The following MYH10 variants were observed in gnomAD, a reference collection of about 807,000 sequenced individuals.
The protein encoded by MYH10 is myosin heavy chain 10.
A neutral mutation model predicts 257.8 loss-of-function variants in MYH10; 55 were observed. The ratio of observed to expected loss-of-function variants is 0.21; its 90% CI spans 0.17 to 0.27. The LOEUF is 0.27. MYH10 is among the 10% of genes least tolerant of loss of function. MYH10 has a pLI of 1.00. For synonymous variants in MYH10, 854 were observed against 921.7 expected (o/e 0.93, Z 1.33); for missense variants, 1,631 against 2,500.6 (o/e 0.65, Z 7.42).
At chr17:8,599,543 T>A (rs1417715587) in intron 3 of MYH10, among the ~76,000 whole-genome samples, 1 of 152,076 alleles carries the variant, frequency 6.6e-6, no homozygotes, top group Non-Finnish European at 1.5e-5. Context: ...CAATCTCTCC[T>A]CCCTCCTCCT....
Position 8,480,231 on chromosome 17 carries a change from T to C in MYH10, c.5476A>G (p.Lys1826Glu), listed in dbSNP as rs1018614920. 6.2e-7 allele frequency: 1 copy of C among 1,614,116 alleles called. No individual in the cohort carries two copies. Among genetic ancestry groups the C allele is most frequent in the Non-Finnish European group, 8.5e-7 (1 of 1,180,030 alleles). Residue 1826 changes from lysine to glutamate, a missense_variant, in exon 40 of 43, where the codon AAG (lysine) becomes GAG (glutamate). Around this residue, in one of 11 missense-constraint regions of MYH10, gnomAD observed 343 missense variants for 389.5 expected, o/e 0.88. Transcript: ENST00000360416. The part of the protein sequence containing the change: ...NARQQLERQN[K>E]ELKAKLQELE... ...TCCTGCAGCTTGGCCTTCAGCTCCT[T>C]GTTCTGCCGCTCCAGTTGCTGGCGT...
rs747780817 is a variant in MYH10 at position 8,480,428 on chromosome 17, C to T, written c.5362G>A (p.Asp1788Asn). The change falls in exon 39 of 43, where the codon GAC becomes AAC. Residue 1788 changes from aspartate (D) to asparagine (N), a missense_variant. This residue lies in a region of MYH10 where 343 missense variants were observed against 389.5 expected (regional missense o/e 0.88). Transcript: ENST00000360416. ...TGTAGAGTGGTCTTGCGGAAGCGGT[C>T]GTTGAGCAGCTCCATGTTGCTCTGC... The part of the protein sequence containing the change: ...EEQSNMELLN[D>N]RFRKTTLQVD... The T allele has an allele frequency of 3.7e-6, 6 of 1,613,236 alleles. No individual in the cohort carries two copies. Among genetic ancestry groups the T allele is most frequent in the South Asian group, 2.2e-5 (2 of 91,072 alleles).
chr17:8,478,218 C>T (rs1205964262), intron 41 of MYH10, 120 bp downstream of exon 41: 11 of 850,730 alleles, frequency 1.3e-5, no homozygotes, highest in South Asian at 1.3e-4. Context: ...GAACAGCCCA[C>T]GTTAGCTGAA....
At chr17:8,607,104 T>G (rs2084840821) in intron 2 of MYH10, among the ~76,000 whole-genome samples, 1 of 152,244 alleles carries the variant, frequency 6.6e-6, no homozygotes, top group Admixed American at 6.5e-5. Flanking sequence ...AGGAGTTTAA[T>G]TTATATAACG....
intron 36 of MYH10, among the ~76,000 whole-genome samples, chr17:8,487,038 C>T (rs530866379): frequency 7.2e-5 from 11 of 152,192 alleles, no homozygotes; most frequent in Admixed American, 1.3e-4. Flanking sequence ...GAGATCACTT[C>T]TTGTCATTGT....
Position 8,478,277 on chromosome 17 carries a change from A to G in MYH10, c.5706+61T>C, listed in dbSNP as rs1418948008. 5.7e-6 allele frequency: 8 copies of G among 1,394,356 alleles called. No individual in the cohort carries two copies. The Admixed American group carries it at 1.0e-4, about 18-fold the overall frequency. The allele number at this position is 1,394,356 out of a possible 1,614,324, so 86.4% of individuals were successfully genotyped here. On this transcript the variant is annotated intron_variant, in intron 41 of 42. Coordinates refer to ENST00000360416, the MANE Select transcript of MYH10 (RefSeq NM_001256012.3). ...AATTCCACTGGTCAGTTGTGCCACC[A>G]GCTCATTCTCCACCAGTTCCTTTGC...
At chr17:8,585,449 T>C (rs2083883426) in intron 4 of MYH10, among the ~76,000 whole-genome samples, 1 of 151,748 alleles carries the variant, frequency 6.6e-6, no homozygotes, top group Non-Finnish European at 1.5e-5. Flanking sequence ...CTTAATTAGC[T>C]TGGCGGTGGA....
intron 28 of MYH10, among the ~76,000 whole-genome samples, chr17:8,503,132 A>G (rs1192975913): frequency 6.6e-6 from 1 of 151,920 alleles, no homozygotes; most frequent in East Asian, 1.9e-4. Flanking sequence ...AAAAATACAA[A>G]ATTAGCCGGG....
intron 14 of MYH10, among the ~76,000 whole-genome samples, chr17:8,536,555 C>T (rs2082143047): frequency 6.6e-6 from 1 of 152,040 alleles, no homozygotes; most frequent in South Asian, 2.1e-4. Flanking sequence ...AAAAGTAGCA[C>T]TTTGGGAGGC....
chr17:8,543,998 G>A (rs2082371488), intron 13 of MYH10, among the ~76,000 whole-genome samples: 1 of 151,128 alleles, frequency 6.6e-6, no homozygotes, highest in South Asian at 2.1e-4. Context: ...AGAAATGTGT[G>A]TATGTGTGTG....
chr17:8,538,097 C>T (rs1304230607), intron 14 of MYH10, among the ~76,000 whole-genome samples: 1 of 152,250 alleles, frequency 6.6e-6, no homozygotes, highest in Non-Finnish European at 1.5e-5. Flanking sequence ...CTCCATTTTG[C>T]AAGGAACATC....
chr17:8,511,786 C>A (rs764769212), intron 24 of MYH10, among the ~76,000 whole-genome samples: 2 of 152,310 alleles, frequency 1.3e-5, no homozygotes, highest in Non-Finnish European at 2.9e-5. Context: ...AACTCATGGT[C>A]AATTCCATTT....
At chr17:8,585,021 T>G (rs1656977512) in intron 4 of MYH10, among the ~76,000 whole-genome samples, 1 of 151,794 alleles carries the variant, frequency 6.6e-6, no homozygotes, top group South Asian at 2.1e-4. Flanking sequence ...TTTTGTATTT[T>G]TAGTAGAGAC....
Position 8,532,436 on chromosome 17 carries a change from T to C in MYH10, c.1895-1751A>G, listed in dbSNP as rs566078491. On this transcript the variant is annotated intron_variant, in intron 16 of 42. Coordinates refer to ENST00000360416, the MANE Select transcript of MYH10 (RefSeq NM_001256012.3). ...CTAAGCATTTCTGTAATGAAATCAA[T>C]AACTTTCCCGTATCTCTTAAATGGA... Among the ~76,000 whole-genome samples, 117 of 152,328 alleles carry C rather than the reference T, an allele frequency of 7.7e-4. 1 individual carries two copies. The highest frequency in any genetic ancestry group is 2.1e-3 in the African/African-American group (87 of 41,578).
intron 21 of MYH10, among the ~76,000 whole-genome samples, chr17:8,514,561 C>T (rs1286984393): frequency 6.6e-6 from 1 of 152,058 alleles, no homozygotes; most frequent in African/African-American, 2.4e-5. Context: ...GACCCAGTTC[C>T]CATTCGCCTT....
chr17:8,628,223 T>C (rs1029810656), intron 1 of MYH10, among the ~76,000 whole-genome samples: 1 of 152,170 alleles, frequency 6.6e-6, no homozygotes, highest in African/African-American at 2.4e-5. Flanking sequence ...TGAGGGTTAT[T>C]AGTGTCATTT....
intron 13 of MYH10, among the ~76,000 whole-genome samples, chr17:8,542,956 G>GA (rs1428042294): frequency 3.9e-5 from 6 of 152,136 alleles, no homozygotes; most frequent in African/African-American, 1.4e-4. Flanking sequence ...CTCATAAAGT[G>GA]AATTTAGGCA....
intron 16 of MYH10, among the ~76,000 whole-genome samples, chr17:8,533,933 G>A (rs1417542878): frequency 6.6e-6 from 1 of 152,148 alleles, no homozygotes; most frequent in Non-Finnish European, 1.5e-5. Context: ...CCTTACGACT[G>A]CAACATTACT....
intron 8 of MYH10, 120 bp downstream of exon 8, chr17:8,553,835 T>C: frequency 1.3e-6 from 1 of 766,456 alleles, no homozygotes. Context: ...AGGCATGCTA[T>C]CTCTGGGCTC....
Sources: gnomAD v4.1 joint callset for allele counts (sites outside exome capture counted in the v4.1 genomes callset) on GRCh38, gnomAD v4.1.1 for gene constraint, gnomAD v4.1.1 regional missense constraint, MANE v1.5 for transcripts, NCBI Gene and HGNC (gene_info 2026-07-23, HGNC 2026-07-21) for gene names.